The following CCSER1 variants were observed in gnomAD, a reference collection of about 807,000 sequenced individuals.
The protein encoded by CCSER1 is serine-rich coiled-coil domain-containing protein 1.
Under a neutral mutation model 82.0 loss-of-function variants are expected in CCSER1, and 41 were observed. The ratio of observed to expected loss-of-function variants is 0.50; its 90% confidence interval spans 0.39 to 0.65. CCSER1 has a LOEUF of 0.65. Ranked by LOEUF, CCSER1 falls within the 30% of genes least tolerant of loss-of-function variation. The pLI, the probability that CCSER1 is intolerant of heterozygous loss-of-function variation, is 0.00. For missense variants in CCSER1, 1,119 were observed against 1,064.2 expected (o/e 1.05, Z -0.72); for synonymous variants, 414 against 383.9 (o/e 1.08, Z -0.92).
intron 7 of CCSER1, among the ~76,000 whole-genome samples, chr4:90,737,660 A>G (rs1438253412): frequency 6.6e-6 from 1 of 152,142 alleles, no homozygotes. Context: ...ATCTTTGTCT[A>G]GGTTTGGGAA....
At chr4:91,168,020 C>T (rs558728818) in intron 10 of CCSER1, among the ~76,000 whole-genome samples, 10 of 150,918 alleles carry the variant, frequency 6.6e-5, no homozygotes, top group Non-Finnish European at 1.3e-4. Flanking sequence ...CGCCTCTGCC[C>T]GGCCGCCCCA....
Position 91,591,390 on chromosome 4 carries a change from G to A in CCSER1, c.2218-7182G>A, listed in dbSNP as rs543585470. 3.5e-4 allele frequency among the ~76,000 whole-genome samples: 53 copies of A among 152,058 alleles called. No individual in the cohort carries two copies. The South Asian group carries it at 0.01, about 29-fold the overall frequency. On this transcript the variant is annotated intron_variant, in intron 10 of 10. Transcript: ENST00000509176. ...CAGCATTGCATGTTTCTATGTTGATGTATTTGTAATTAATTAAATTAATAT... is the reference window on the plus strand; with the variant it reads ...CAGCATTGCATGTTTCTATGTTGATATATTTGTAATTAATTAAATTAATAT...
intron 10 of CCSER1, among the ~76,000 whole-genome samples, chr4:91,087,318 T>A (rs1206335028): frequency 6.6e-6 from 1 of 152,128 alleles, no homozygotes; most frequent in African/African-American, 2.4e-5. Context: ...AATCTATATA[T>A]CCGTACGATG....
intron 10 of CCSER1, among the ~76,000 whole-genome samples, chr4:91,441,292 C>G (rs1160519521): frequency 6.6e-6 from 1 of 152,046 alleles, no homozygotes; most frequent in East Asian, 1.9e-4. Flanking sequence ...GGGCTTCATC[C>G]CTGGGATGCA....
At chr4:90,327,139 A>G (rs1455555663) in intron 3 of CCSER1, among the ~76,000 whole-genome samples, 1 of 152,084 alleles carries the variant, frequency 6.6e-6, no homozygotes, top group East Asian at 1.9e-4. Flanking sequence ...AGCAGACACC[A>G]TTTTCCCCTG....
intron 7 of CCSER1, among the ~76,000 whole-genome samples, chr4:90,790,596 A>G (rs1440167378): frequency 2.0e-5 from 3 of 152,108 alleles, no homozygotes; most frequent in Non-Finnish European, 2.9e-5. Context: ...ACCTTGGTCT[A>G]TGTGTTTGTT....
intron 5 of CCSER1, among the ~76,000 whole-genome samples, chr4:90,617,596 T>G (rs17241016): frequency 0.013 from 1,950 of 152,290 alleles, 22 homozygotes; most frequent in Middle Eastern, 0.02. Context: ...AGGAAAAGAT[T>G]CATCAACAGA....
intron 3 of CCSER1, among the ~76,000 whole-genome samples, chr4:90,373,528 CT>C (rs1464638298): frequency 6.6e-6 from 1 of 152,166 alleles, no homozygotes; most frequent in Non-Finnish European, 1.5e-5. Context: ...AAACAATACT[CT>C]TCTATCAGAA....
At chr4:91,371,879 T>C (rs966514891) in intron 10 of CCSER1, among the ~76,000 whole-genome samples, 3 of 152,058 alleles carry the variant, frequency 2.0e-5, no homozygotes, top group Admixed American at 2.0e-4. Context: ...AGCTTTCTGA[T>C]CCCAAGACTT....
intron 5 of CCSER1, among the ~76,000 whole-genome samples, chr4:90,586,295 T>C (rs1473136958): frequency 6.6e-6 from 1 of 152,192 alleles, no homozygotes; most frequent in Non-Finnish European, 1.5e-5. Flanking sequence ...AAAAATTGTC[T>C]TCACAAAACT....
At chr4:91,577,276 C>A (rs1463571958) in intron 10 of CCSER1, among the ~76,000 whole-genome samples, 1 of 151,678 alleles carries the variant, frequency 6.6e-6, no homozygotes, top group Admixed American at 6.6e-5. Context: ...ACAAGTTAGA[C>A]CTTGGGGGGC....
At chr4:90,954,680 A>T (rs748884339) in intron 9 of CCSER1, among the ~76,000 whole-genome samples, 3 of 152,176 alleles carry the variant, frequency 2.0e-5, no homozygotes, top group Non-Finnish European at 4.4e-5. Flanking sequence ...GGAAGTATCA[A>T]TCTCTGTGAA....
In CCSER1 at chr4:90,276,501, A is replaced by T. The variant is rs190855117; in HGVS notation, c.-41-31743A>T. On this transcript the variant is annotated intron_variant, in intron 1 of 10. Coordinates refer to ENST00000509176, the MANE Select transcript of CCSER1 (RefSeq NM_001145065.2). ...AGCTGGGATTACAATAAGTGCCACCATGCCCAGCTAACTTTTGTATTTTTA... is the reference window on the plus strand; with the variant it reads ...AGCTGGGATTACAATAAGTGCCACCTTGCCCAGCTAACTTTTGTATTTTTA... 6.2e-3 allele frequency among the ~76,000 whole-genome samples: 943 copies of T among 151,568 alleles called. 7 individuals carry two copies. The highest frequency in any genetic ancestry group is 0.022 in the African/African-American group (916 of 41,346).
At chr4:91,482,837 C>T (rs1393443099) in intron 10 of CCSER1, among the ~76,000 whole-genome samples, 7 of 152,092 alleles carry the variant, frequency 4.6e-5, no homozygotes, top group Middle Eastern at 3.4e-3. Flanking sequence ...AGCAAACTAT[C>T]GCAAGGACAA....
chr4:90,478,410 G>A (rs988243794), intron 5 of CCSER1, among the ~76,000 whole-genome samples: 1 of 151,914 alleles, frequency 6.6e-6, no homozygotes, highest in African/African-American at 2.4e-5. Context: ...TTTTCTTTTT[G>A]AAATATTGTG....
chr4:90,978,952 G>A (rs1438204706), intron 9 of CCSER1, among the ~76,000 whole-genome samples: 3 of 151,424 alleles, frequency 2.0e-5, no homozygotes, highest in East Asian at 3.9e-4. Context: ...CTAAAAACAA[G>A]GTAAAGTGTC....
chr4:91,123,125 CT>C (rs1158435776), intron 10 of CCSER1, among the ~76,000 whole-genome samples: 1 of 151,686 alleles, frequency 6.6e-6, no homozygotes, highest in South Asian at 2.1e-4. Flanking sequence ...TGTATTTCAT[CT>C]CAGCTATTTT....
chr4:90,745,425 C>A (rs1026114724), intron 7 of CCSER1, among the ~76,000 whole-genome samples: 3 of 152,296 alleles, frequency 2.0e-5, no homozygotes, highest in Admixed American at 6.5e-5. Flanking sequence ...CTGATTCTTT[C>A]ATTCCCCTTT....
rs188751394 is a variant in CCSER1, at chr4:91,522,609, C to T, written c.2218-75963C>T. 3.9e-5 allele frequency among the ~76,000 whole-genome samples: 6 copies of T among 152,174 alleles called. No individual in the cohort carries two copies. The East Asian group carries it at 1.2e-3, about 29-fold the overall frequency. On this transcript the variant is annotated intron_variant, in intron 10 of 10. Coordinates refer to ENST00000509176, the MANE Select transcript of CCSER1 (RefSeq NM_001145065.2). ...TTCACATACCTTGTAAGTTGGATTC[C>T]TAGGTATTTTATTCTCTTTGTAGCA...
Sources: allele counts gnomAD v4.1 joint callset (sites outside exome capture counted in the v4.1 genomes callset), GRCh38; gene constraint gnomAD v4.1.1; transcripts MANE v1.5; gene names NCBI Gene and HGNC (gene_info 2026-07-23, HGNC 2026-07-21).